FRYL: variants seen among roughly 807,000 people sequenced by gnomAD.
FRYL encodes the protein protein furry homolog-like.
FRYL carries 150 observed loss-of-function variants against 351.2 expected under a neutral mutation model. That is an observed-to-expected ratio of 0.43 (90% CI 0.37 to 0.49). FRYL has a LOEUF of 0.49. Among genes scored for constraint, FRYL ranks in the 20% least tolerant of loss-of-function variants. The probability of loss-of-function intolerance (pLI) is 0.00; values close to 1 mark genes in which losing one functional copy is unlikely to be tolerated. For missense variants in FRYL, 3,036 were observed against 3,619.3 expected (o/e 0.84, Z 4.13); for synonymous variants, 1,153 against 1,257.1 (o/e 0.92, Z 1.75).
chr4:48,711,218 C>A (rs1462453676), intron 1 of FRYL, among the ~76,000 whole-genome samples: 1 of 152,218 alleles, frequency 6.6e-6, no homozygotes, highest in East Asian at 1.9e-4. Flanking sequence ...GGGCGCAGGT[C>A]AGTGGGTGCA....
At chr4:48,651,981 T>C (rs1349334149) in intron 3 of FRYL, among the ~76,000 whole-genome samples, 1 of 152,222 alleles carries the variant, frequency 6.6e-6, no homozygotes. Context: ...ATGAGATGTG[T>C]ACTATGAATG....
intron 3 of FRYL, among the ~76,000 whole-genome samples, chr4:48,671,293 G>A (rs1256224775): frequency 2.0e-5 from 3 of 152,106 alleles, no homozygotes; most frequent in African/African-American, 4.8e-5. Context: ...ACTGTTGCAC[G>A]AACTTCTTAA....
chr4:48,728,847 T>C (rs901540424), intron 1 of FRYL, among the ~76,000 whole-genome samples: 1 of 152,188 alleles, frequency 6.6e-6, no homozygotes, highest in African/African-American at 2.4e-5. Flanking sequence ...CTGAGGTACC[T>C]GGTACATCTC....
At chr4:48,740,663 G>A (rs4695400) in intron 1 of FRYL, among the ~76,000 whole-genome samples, 62,774 of 151,898 alleles carry the variant, frequency 0.41, 14,270 homozygotes, top group Admixed American at 0.56. Context: ...CACATGCAAA[G>A]AGATGCTCCA....
intron 2 of FRYL, among the ~76,000 whole-genome samples, chr4:48,687,701 A>G (rs1284114863): frequency 6.6e-6 from 1 of 152,206 alleles, no homozygotes; most frequent in Non-Finnish European, 1.5e-5. Flanking sequence ...ACATTAACAC[A>G]GGAAACAACA....
At chr4:48,778,605 C>T (rs1242578022) in intron 1 of FRYL, among the ~76,000 whole-genome samples, 3 of 152,214 alleles carry the variant, frequency 2.0e-5, no homozygotes, top group Non-Finnish European at 1.5e-5. Context: ...AGGCCTCTAA[C>T]AAGGAATGTG....
chr4:48,525,798 G>A (rs1726031149), intron 53 of FRYL, among the ~76,000 whole-genome samples: 1 of 151,558 alleles, frequency 6.6e-6, no homozygotes, highest in Non-Finnish European at 1.5e-5. Context: ...TACGAGAGCT[G>A]ATGAATGTGT....
intron 2 of FRYL, among the ~76,000 whole-genome samples, chr4:48,690,784 C>G (rs547045188): frequency 3.9e-5 from 6 of 151,956 alleles, no homozygotes; most frequent in African/African-American, 1.4e-4. Flanking sequence ...AATTATGACC[C>G]TAAGGTCCTA....
intron 19 of FRYL, among the ~76,000 whole-genome samples, chr4:48,583,795 C>T (rs1741464712): frequency 6.6e-6 from 1 of 151,810 alleles, no homozygotes; most frequent in Non-Finnish European, 1.5e-5. Context: ...ATCCCAGCTA[C>T]TCAGGAGGCC....
chr4:48,741,943 A>G (rs148300087), intron 1 of FRYL, among the ~76,000 whole-genome samples: 2 of 152,342 alleles, frequency 1.3e-5, no homozygotes, highest in East Asian at 3.9e-4. Context: ...TAGTGGATAC[A>G]TGTCATTAGA....
intron 36 of FRYL, among the ~76,000 whole-genome samples, chr4:48,551,858 T>C (rs1175581423): frequency 1.3e-5 from 2 of 152,322 alleles, no homozygotes; most frequent in African/African-American, 2.4e-5. Flanking sequence ...TTTATATTGC[T>C]GAACTTCCAA....
At chr4:48,738,646 T>C (rs1771700493) in intron 1 of FRYL, among the ~76,000 whole-genome samples, 2 of 151,660 alleles carry the variant, frequency 1.3e-5, no homozygotes, top group South Asian at 2.1e-4. Context: ...TACAGGAATA[T>C]GCCACCATAC....
At chr4:48,658,749 T>C (rs1759803411) in intron 3 of FRYL, among the ~76,000 whole-genome samples, 1 of 566 alleles carries the variant, frequency 1.8e-3, no homozygotes, top group African/African-American at 4.1e-3. Context: ...GAGACCTTCA[T>C]AAATAAATAA....
chr4:48,576,436 C>G (rs1739630580), intron 23 of FRYL, among the ~76,000 whole-genome samples: 1 of 151,876 alleles, frequency 6.6e-6, no homozygotes, highest in African/African-American at 2.4e-5. Flanking sequence ...TCCAGAGTAG[C>G]TGGGACTACA....
intron 1 of FRYL, among the ~76,000 whole-genome samples, chr4:48,772,348 T>C (rs979454677): frequency 2.0e-5 from 3 of 152,236 alleles, no homozygotes; most frequent in East Asian, 1.9e-4. Flanking sequence ...ATTGCACCAC[T>C]GCACTCCAGC....
chr4:48,572,153 C>A (rs1169899808), intron 26 of FRYL, among the ~76,000 whole-genome samples: 3 of 152,212 alleles, frequency 2.0e-5, no homozygotes, highest in Non-Finnish European at 4.4e-5. Context: ...GCATCCCCAA[C>A]ATTAACAGCA....
intron 7 of FRYL, among the ~76,000 whole-genome samples, chr4:48,617,079 T>C (rs1262679504): frequency 6.6e-6 from 1 of 152,174 alleles, no homozygotes; most frequent in Admixed American, 6.5e-5. Context: ...AGTGTATCTA[T>C]GTTCTTGGTG....
chr4:48,652,604 A>C (rs1410515423), intron 3 of FRYL, among the ~76,000 whole-genome samples: 3 of 152,226 alleles, frequency 2.0e-5, no homozygotes, highest in African/African-American at 7.2e-5. Flanking sequence ...AAAGAAATAT[A>C]GGGATTGTAA....
Position 48,549,687 on chromosome 4 carries a change from A to G in FRYL, c.4634-64T>C. On this transcript the variant is annotated intron_variant, in intron 38 of 63. Coordinates refer to ENST00000358350, the MANE Select transcript of FRYL (RefSeq NM_015030.2). This position sits in a 1 kb window ranked among gnomAD's most constrained non-coding sequence, Gnocchi z 4.2. ...ATTTCTGCCAATATAAGCAAACTCT[A>G]GTAAGATCCCAACTATTTATATAGT... 5 of 1,330,526 alleles carry G rather than the reference A, an allele frequency of 3.8e-6. No homozygotes were observed. The highest frequency in any genetic ancestry group is 5.3e-6 in the Non-Finnish European group (5 of 946,690). 82.4% of individuals were successfully genotyped at this position (1,330,526 alleles called of 1,614,324 possible).
Sources: allele counts gnomAD v4.1 joint callset (sites outside exome capture counted in the v4.1 genomes callset), GRCh38; gene constraint gnomAD v4.1.1; non-coding constraint Gnocchi (gnomAD v3.1); transcripts MANE v1.5; gene names NCBI Gene and HGNC (gene_info 2026-07-23, HGNC 2026-07-21).